Variants in EPHX2 observed in about 807,000 individuals in gnomAD.
EPHX2 encodes the protein epoxide hydrolase 2.
EPHX2 carries 74 observed loss-of-function variants against 78.7 expected under a neutral mutation model. The ratio of observed to expected loss-of-function variants is 0.94; its 90% CI spans 0.78 to 1.14. EPHX2 has a LOEUF of 1.14. EPHX2 is among the 50% of genes most tolerant of loss of function. EPHX2 has a pLI of 0.00. For missense variants in EPHX2, 715 were observed against 702.5 expected (o/e 1.02, Z -0.20); for synonymous variants, 251 against 255.2 (o/e 0.98, Z 0.16).
intron 2 of EPHX2, among the ~76,000 whole-genome samples, chr8:27,502,838 A>C (rs921920580): frequency 7.9e-5 from 12 of 152,168 alleles, no homozygotes; most frequent in Non-Finnish European, 1.6e-4. Context: ...TGATTTCCAA[A>C]TATAGTCACA....
Position 27,495,306 on chromosome 8 carries a change from G to T in EPHX2, c.101+3997G>T, listed in dbSNP as rs1813533555. 2.6e-5 allele frequency among the ~76,000 whole-genome samples: 4 copies of T among 152,190 alleles called. No homozygotes were observed. The South Asian group carries it at 8.3e-4, about 32-fold the overall frequency. On this transcript the variant is annotated intron_variant, in intron 1 of 18. Transcript: ENST00000521400. ...CACTAGTTCTGCTAACTGGGTGCAG[G>T]TCCCTGGGGAAAGAGGCTTACTTTC...
At chr8:27,517,338 A>G (rs1387108487) in intron 8 of EPHX2, among the ~76,000 whole-genome samples, 2 of 152,184 alleles carry the variant, frequency 1.3e-5, no homozygotes, top group African/African-American at 4.8e-5. Flanking sequence ...ATGCAATGCA[A>G]TCCCTGTCAA....
intron 11 of EPHX2, among the ~76,000 whole-genome samples, chr8:27,525,107 T>TGCGC (rs1182901102): frequency 1.9e-3 from 195 of 103,494 alleles, no homozygotes; most frequent in African/African-American, 4.5e-3. Context: ...TGTGTGTGTG[T>TGCGC]GCGCGCGCGC....
intron 10 of EPHX2, among the ~76,000 whole-genome samples, chr8:27,521,662 T>C (rs1244219017): frequency 2.0e-5 from 3 of 152,256 alleles, no homozygotes; most frequent in Middle Eastern, 3.4e-3. Context: ...GGATTAGGTT[T>C]GGAACTTTTG....
At chr8:27,542,010 C>A (rs1182052047) in intron 16 of EPHX2, among the ~76,000 whole-genome samples, 1 of 151,964 alleles carries the variant, frequency 6.6e-6, no homozygotes, top group Non-Finnish European at 1.5e-5. Flanking sequence ...AGATGAGTTT[C>A]CAATCTCTGG....
intron 12 of EPHX2, among the ~76,000 whole-genome samples, chr8:27,531,059 G>A (rs141449012): frequency 2.0e-5 from 3 of 152,124 alleles, no homozygotes; most frequent in African/African-American, 4.8e-5. Context: ...CACCACGCCC[G>A]GCTGTTACTT....
intron 16 of EPHX2, 148 bp downstream of exon 16, chr8:27,541,690 A>G: frequency 1.3e-6 from 1 of 787,806 alleles, no homozygotes; most frequent in African/African-American, 1.7e-5. Flanking sequence ...TTGGGAAGTG[A>G]CTCCCTTCAG....
intron 12 of EPHX2, among the ~76,000 whole-genome samples, chr8:27,528,516 T>C (rs2132771933): frequency 6.6e-6 from 1 of 152,202 alleles, no homozygotes; most frequent in South Asian, 2.1e-4. Flanking sequence ...TGCAAAAGGT[T>C]GGTTTTGGGT....
intron 12 of EPHX2, among the ~76,000 whole-genome samples, chr8:27,526,594 C>G (rs538320488): frequency 2.0e-5 from 3 of 152,166 alleles, no homozygotes; most frequent in African/African-American, 7.2e-5. Context: ...GCTCAACAGA[C>G]TGGGCAGCTT....
At chr8:27,508,310 C>CAAAT (rs1020902836) in intron 5 of EPHX2, among the ~76,000 whole-genome samples, 3 of 152,042 alleles carry the variant, frequency 2.0e-5, no homozygotes, top group African/African-American at 7.3e-5. Flanking sequence ...TCTCCAAAAA[C>CAAAT]AAACAAACAA....
chr8:27,502,565 A>C (rs138552580), intron 2 of EPHX2, among the ~76,000 whole-genome samples: 95 of 152,292 alleles, frequency 6.2e-4, no homozygotes, highest in Non-Finnish European at 1.1e-3. Flanking sequence ...GTCCAAGATG[A>C]AGGCACTGGC....
chr8:27,534,784 G>A (rs1428062324), intron 12 of EPHX2, among the ~76,000 whole-genome samples: 1 of 152,260 alleles, frequency 6.6e-6, no homozygotes, highest in Non-Finnish European at 1.5e-5. Context: ...CACAGATGCT[G>A]CTGAGAACAG....
At chr8:27,500,035 T>C (rs1371999901) in intron 1 of EPHX2, among the ~76,000 whole-genome samples, 4 of 152,208 alleles carry the variant, frequency 2.6e-5, no homozygotes, top group African/African-American at 9.7e-5. Flanking sequence ...TGTATGTATT[T>C]GGGATGGGGG....
chr8:27,518,170 T>C (rs546974294), intron 9 of EPHX2, 98 bp downstream of exon 9: 1 of 972,984 alleles, frequency 1.0e-6, no homozygotes, highest in African/African-American at 1.6e-5. Flanking sequence ...GAAGCATCAT[T>C]TCACAGCCTC....
At chr8:27,515,690 G>T in intron 6 of EPHX2, 28 bp from the exon 7 acceptor site, 2 of 1,603,484 alleles carry the variant, frequency 1.2e-6, no homozygotes, top group East Asian at 2.2e-5. Context: ...GTGCTTGGTC[G>T]CTGCCCTCTC....
Position 27,543,849 on chromosome 8 carries a change from C to G in EPHX2, c.1530+20C>G. On this transcript the variant is annotated intron_variant, in intron 17 of 18. Transcript: ENST00000521400. Reference sequence around the variant, plus strand: ...GACTGGGTGAGGGAATGGCCCTGTACAAGGGTCATCAGTGCACCCCGGGAG... The same window carrying G: ...GACTGGGTGAGGGAATGGCCCTGTAGAAGGGTCATCAGTGCACCCCGGGAG... 1 of 1,613,488 alleles carries G rather than the reference C, an allele frequency of 6.2e-7. No individual in the cohort carries two copies. Among genetic ancestry groups the G allele is most frequent in the Non-Finnish European group, 8.5e-7 (1 of 1,179,506 alleles).
chr8:27,520,818 C>T (rs760707297), intron 9 of EPHX2, 65 bp from the exon 10 acceptor site: 7 of 1,600,224 alleles, frequency 4.4e-6, no homozygotes, highest in Non-Finnish European at 5.1e-6. Flanking sequence ...CAGTTCAGCC[C>T]ATCATAAAGG....
rs754815151 is a variant in EPHX2, at chr8:27,544,192, C to T, written c.1537C>T (p.His513Tyr). ...MSQHMEDWIPHLKRGHIEDCG... is the reference protein window; with the variant it reads ...MSQHMEDWIPYLKRGHIEDCG... Reference sequence around the variant, plus strand: ...GCCTGGGGTTTCCTTTCAGATTCCCCACCTGAAAAGGGGACACATTGAGGA... The same window carrying T: ...GCCTGGGGTTTCCTTTCAGATTCCCTACCTGAAAAGGGGACACATTGAGGA... Residue 513 changes from histidine to tyrosine, a missense_variant, in exon 18 of 19, where the codon CAC becomes TAC. Transcript: ENST00000521400. 1.5e-5 allele frequency: 25 copies of T among 1,614,022 alleles called. No homozygotes were observed. In the Admixed American group the frequency reaches 3.5e-4, roughly 23 times the overall value.
intron 1 of EPHX2, among the ~76,000 whole-genome samples, chr8:27,491,952 G>GT (rs72456076): frequency 0.13 from 18,859 of 142,840 alleles, 1,240 homozygotes; most frequent in African/African-American, 0.19. Flanking sequence ...TTTTTTTTGT[G>GT]TTTTTTTTTT....
Sources: allele counts gnomAD v4.1 joint callset (sites outside exome capture counted in the v4.1 genomes callset), GRCh38; gene constraint gnomAD v4.1.1; transcripts MANE v1.5; gene names NCBI Gene and HGNC (gene_info 2026-07-23, HGNC 2026-07-21).